Variants in TAFA2 observed in about 807,000 individuals in gnomAD.
TAFA2 encodes the protein chemokine-like protein TAFA-2.
TAFA2 carries 7 observed loss-of-function variants against 18.8 expected under a neutral mutation model. The observed-to-expected ratio is 0.37, with a 90% CI of 0.21 to 0.70. The LOEUF is 0.70. TAFA2 is among the 30% of genes least tolerant of loss of function. TAFA2 has a pLI of 0.53. For synonymous variants in TAFA2, 60 were observed against 54.2 expected (o/e 1.11, Z -0.47); for missense variants, 122 against 158.1 (o/e 0.77, Z 1.23).
At chr12:61,784,267 A>T (rs781095002) in intron 2 of TAFA2, among the ~76,000 whole-genome samples, 76 of 151,554 alleles carry the variant, frequency 5.0e-4, no homozygotes, top group Non-Finnish European at 9.5e-4. Flanking sequence ...AATCATTTGA[A>T]GTTAGGGTGA....
chr12:62,030,363 A>C (rs1463991560), intron 1 of TAFA2, among the ~76,000 whole-genome samples: 1 of 152,170 alleles, frequency 6.6e-6, no homozygotes, highest in African/African-American at 2.4e-5. Context: ...CCCCGAATTG[A>C]GATAATGTTA....
chr12:62,067,922 A>G (rs1014337867), intron 1 of TAFA2, among the ~76,000 whole-genome samples: 1 of 151,978 alleles, frequency 6.6e-6, no homozygotes, highest in South Asian at 2.1e-4. Context: ...CAACTTGAGT[A>G]TGTGTCTATT....
intron 1 of TAFA2, among the ~76,000 whole-genome samples, chr12:62,079,059 G>C (rs770592339): frequency 2.6e-5 from 4 of 152,178 alleles, no homozygotes; most frequent in Non-Finnish European, 5.9e-5. Flanking sequence ...AAGGACTCGA[G>C]TGTTGCCAGT....
intron 1 of TAFA2, among the ~76,000 whole-genome samples, chr12:61,871,194 T>G (rs1874588024): frequency 6.6e-6 from 1 of 152,140 alleles, no homozygotes; most frequent in Admixed American, 6.5e-5. Flanking sequence ...TTATTCTGAT[T>G]TTTAAATAAC....
rs1206442079 is a variant in TAFA2, at chr12:62,039,015, T to C, written c.-2+152244A>G. Among the ~76,000 whole-genome samples, 3 of 152,138 alleles carry C rather than the reference T, an allele frequency of 2.0e-5. No homozygotes were observed. In the East Asian group the frequency reaches 5.8e-4, roughly 29 times the overall value. On this transcript the variant is annotated intron_variant, in intron 1 of 4. Transcript: ENST00000416284. Reference sequence around the variant, plus strand: ...TTTGCAACATCTGCCCCAGATGATGTCTGCATATTTTCAAGAACAGGGTAA... The same window carrying C: ...TTTGCAACATCTGCCCCAGATGATGCCTGCATATTTTCAAGAACAGGGTAA...
At chr12:62,063,544 G>A (rs1289030505) in intron 1 of TAFA2, among the ~76,000 whole-genome samples, 2 of 152,076 alleles carry the variant, frequency 1.3e-5, no homozygotes, top group Non-Finnish European at 2.9e-5. Flanking sequence ...CCTTAGAAAA[G>A]GCACCTTTGA....
intron 1 of TAFA2, among the ~76,000 whole-genome samples, chr12:62,138,137 G>T (rs757767772): frequency 1.3e-5 from 2 of 152,054 alleles, no homozygotes; most frequent in Non-Finnish European, 2.9e-5. Context: ...TTGCACATCA[G>T]CCAGGTGTGG....
At chr12:62,173,895 C>T (rs1881957) in intron 1 of TAFA2, among the ~76,000 whole-genome samples, 139,199 of 152,294 alleles carry the variant, frequency 0.91, 63,734 homozygotes, top group Middle Eastern at 0.95. Flanking sequence ...AGAGACATAG[C>T]GTATAGGTGG....
chr12:62,093,721 T>A (rs781386643), intron 1 of TAFA2, among the ~76,000 whole-genome samples: 1 of 152,006 alleles, frequency 6.6e-6, no homozygotes, highest in Non-Finnish European at 1.5e-5. Context: ...AAAGCCTACA[T>A]TGCACTCTTT....
At chr12:61,790,565 C>T (rs1870932449) in intron 2 of TAFA2, among the ~76,000 whole-genome samples, 1 of 151,692 alleles carries the variant, frequency 6.6e-6, no homozygotes, top group African/African-American at 2.4e-5. Flanking sequence ...TGTTTTTATG[C>T]ATTAGTAGTG....
At chr12:62,109,361 C>T (rs1427844127) in intron 1 of TAFA2, among the ~76,000 whole-genome samples, 1 of 152,122 alleles carries the variant, frequency 6.6e-6, no homozygotes, top group Non-Finnish European at 1.5e-5. Context: ...GTACCAGTAC[C>T]ATGCTGTTTT....
At chr12:62,116,409 T>C (rs1334767852) in intron 1 of TAFA2, among the ~76,000 whole-genome samples, 1 of 152,176 alleles carries the variant, frequency 6.6e-6, no homozygotes, top group Non-Finnish European at 1.5e-5. Context: ...TGCTTCTAAT[T>C]ACAGGTGTTC....
intron 1 of TAFA2, among the ~76,000 whole-genome samples, chr12:61,974,206 T>C (rs538773443): frequency 8.1e-4 from 123 of 151,826 alleles, no homozygotes; most frequent in African/African-American, 2.8e-3. Flanking sequence ...ATTCCTGTTC[T>C]ATTCATCACT....
chr12:61,953,321 AT>A (rs1878534541), intron 1 of TAFA2, among the ~76,000 whole-genome samples: 2 of 152,162 alleles, frequency 1.3e-5, no homozygotes. Context: ...GGTCTCTGTA[AT>A]AAAAAAGTTA....
At chr12:62,215,563 CA>C (rs35638033) in intron 1 of TAFA2, among the ~76,000 whole-genome samples, 35,858 of 78,922 alleles carry the variant, frequency 0.45, 5,249 homozygotes, top group African/African-American at 0.51. Context: ...ACTTGTCTTT[CA>C]AAAAAAAAAA....
At chr12:62,011,779 C>G (rs976077238) in intron 1 of TAFA2, among the ~76,000 whole-genome samples, 6 of 144,634 alleles carry the variant, frequency 4.1e-5, no homozygotes, top group African/African-American at 1.5e-4. Flanking sequence ...AGAAAAGAAA[C>G]TGTAGTATAA....
intron 2 of TAFA2, among the ~76,000 whole-genome samples, chr12:61,765,082 G>A (rs913213507): frequency 4.6e-5 from 7 of 152,068 alleles, no homozygotes; most frequent in African/African-American, 1.7e-4. Context: ...TGGCTTCACA[G>A]CTAGGCTATT....
At chr12:61,789,961 T>A (rs1023560052) in intron 2 of TAFA2, among the ~76,000 whole-genome samples, 1 of 151,726 alleles carries the variant, frequency 6.6e-6, no homozygotes, top group Non-Finnish European at 1.5e-5. Flanking sequence ...ATGCAAAAAA[T>A]TCTCAACAAG....
At chr12:62,085,634 A>T (rs1592326229) in intron 1 of TAFA2, among the ~76,000 whole-genome samples, 1 of 152,312 alleles carries the variant, frequency 6.6e-6, no homozygotes, top group East Asian at 1.9e-4. Flanking sequence ...AGTGTAAGAC[A>T]GGCATGATCC....
Sources: allele counts gnomAD v4.1 joint callset (sites outside exome capture counted in the v4.1 genomes callset), GRCh38; gene constraint gnomAD v4.1.1; transcripts MANE v1.5; gene names NCBI Gene and HGNC (gene_info 2026-07-23, HGNC 2026-07-21).